The following MYO7A variants were observed in gnomAD, a reference collection of about 807,000 sequenced individuals.
The protein encoded by MYO7A is unconventional myosin-VIIa.
MYO7A carries 210 observed loss-of-function variants against 263.8 expected under a neutral mutation model. That is an observed-to-expected ratio of 0.80 (90% CI 0.71 to 0.89). The LOEUF is 0.89. MYO7A is among the 40% of genes least tolerant of loss of function. MYO7A has a pLI of 0.00. For synonymous variants in MYO7A, 1,239 were observed against 1,197.3 expected, an observed-to-expected ratio of 1.03 and a Z score of -0.72; for missense variants, 2,820 against 2,968.3, an observed-to-expected ratio of 0.95 and a Z score of 1.16.
intron 22 of MYO7A, 123 bp downstream of exon 22, chr11:77,180,604 T>A: frequency 1.2e-6 from 1 of 807,368 alleles, no homozygotes; most frequent in Non-Finnish European, 2.0e-6. Context: ...ATGGCCACAC[T>A]AGACCCACTC....
chr11:77,208,703 T>G lies in MYO7A; in HGVS notation c.5951T>G (p.Val1984Gly). Residue 1984 changes from valine to glycine, a missense_variant, in exon 44 of 49, where the codon GTG becomes GGG. Val to Gly is a moderately radical substitution (Grantham distance 109). Coordinates refer to ENST00000409709, the MANE Select transcript of MYO7A (RefSeq NM_000260.4). ...KKARPIKDGI[V>G]PSLTYQVFFM... ...CGACTGCCCTGTGCTGCAGGAATTGTGCCCTCACTCACCTACCAGGTGTTC... is the reference window on the plus strand; with the variant it reads ...CGACTGCCCTGTGCTGCAGGAATTGGGCCCTCACTCACCTACCAGGTGTTC... The G allele has an allele frequency of 6.3e-7, 1 of 1,582,602 alleles. No individual in the cohort carries two copies. Among genetic ancestry groups the G allele is most frequent in the East Asian group, 2.3e-5 (1 of 43,124 alleles).
intron 18 of MYO7A, among the ~76,000 whole-genome samples, chr11:77,176,220 C>T (rs1250197497): frequency 6.6e-6 from 1 of 152,338 alleles, no homozygotes; most frequent in East Asian, 1.9e-4. Context: ...AGGGAGCCTG[C>T]GGCCTCTTCT....
intron 27 of MYO7A, among the ~76,000 whole-genome samples, chr11:77,187,757 G>C (rs1955749763): frequency 6.6e-6 from 1 of 152,222 alleles, no homozygotes; most frequent in African/African-American, 2.4e-5. Context: ...TCTGTCGGGA[G>C]AGCTGATGCC....
rs753632889 is a variant in MYO7A, at chr11:77,199,602, G to A, written c.4636G>A (p.Ala1546Thr). ...CTGTGCTGCGCCTCACTCAGGCTGG[G>A]CAGGACTGACCCCGGCGGGGCCCTG... ...LGCAAPHSGW[A>T]GLTPAGPCSP... Residue 1546 changes from alanine (A) to threonine (T), a missense_variant, in exon 35 of 49, where the codon GCA (alanine) becomes ACA (threonine). By Grantham distance (58) the Ala-to-Thr change is moderately conservative. Transcript: ENST00000409709. 2 of 1,594,764 alleles carry A rather than the reference G, an allele frequency of 1.3e-6. No homozygotes were observed. The highest frequency in any genetic ancestry group is 1.7e-6 in the Non-Finnish European group (2 of 1,171,076).
At chr11:77,208,911 C>G in intron 44 of MYO7A, 108 bp downstream of exon 44, 1 of 892,738 alleles carries the variant, frequency 1.1e-6, no homozygotes. Context: ...CCCGTACCAG[C>G]CTGGCCTCAA....
chr11:77,192,976 A>T (rs960451675), intron 31 of MYO7A, among the ~76,000 whole-genome samples: 1 of 14,186 alleles, frequency 7.0e-5, no homozygotes, highest in Admixed American at 9.1e-4. Flanking sequence ...TGGTGGAGGT[A>T]GTTGTGATGG....
chr11:77,212,307 A>G (rs12418037), intron 46 of MYO7A: 230,281 of 395,756 alleles, frequency 0.58, 67,783 homozygotes, highest in Admixed American at 0.65. Context: ...CAGACCCTGG[A>G]AAGAGTGCTC....
chr11:77,168,466 G>A (rs78307319), intron 15 of MYO7A, among the ~76,000 whole-genome samples: 46 of 152,260 alleles, frequency 3.0e-4, no homozygotes, highest in Admixed American at 4.6e-4. Flanking sequence ...GCAACCTGGC[G>A]AGTAATTACT....
chr11:77,182,549 G>T lies in MYO7A; in HGVS notation c.3234G>T (p.Leu1078=). 6.2e-7 allele frequency: 1 copy of T among 1,613,354 alleles called. No individual in the cohort carries two copies. The highest frequency in any genetic ancestry group is 8.5e-7 in the Non-Finnish European group (1 of 1,179,856). Residue 1078 remains leucine, a synonymous_variant, in exon 25 of 49, where the codon CTG becomes CTT. Transcript: ENST00000409709. ...TGATGACCAAGATTTATGAGACCCT[G>T]GGCAAGAAGACGTACAAGAGGGAGC... ...IPVMTKIYET[L]GKKTYKRELQ... is the part of the protein sequence containing the mutation.
intron 4 of MYO7A, among the ~76,000 whole-genome samples, chr11:77,149,471 G>T (rs566198847): frequency 6.6e-6 from 1 of 152,316 alleles, no homozygotes; most frequent in Admixed American, 6.5e-5. Flanking sequence ...CGATCGGCAG[G>T]CAGTGTCCCT....
intron 9 of MYO7A, among the ~76,000 whole-genome samples, chr11:77,159,067 G>A (rs1323371222): frequency 3.9e-5 from 6 of 152,232 alleles, no homozygotes; most frequent in Middle Eastern, 3.2e-3. Flanking sequence ...AGCAGGAAGA[G>A]CTTGTGCAAA....
rs782146561 is a variant in MYO7A at position 77,172,737 on chromosome 11, C to T, written c.1798-11C>T. On this transcript the variant is annotated splice_polypyrimidine_tract_variant and intron_variant, in intron 15 of 48. Transcript: ENST00000409709. ...CACAGCCCCTCCCATCGCTGCCGTC[C>T]GTCCCCCCAGGGCGCCGAGACCAGG... The T allele has an allele frequency of 1.9e-4, 300 of 1,552,546 alleles. No homozygotes were observed. Among genetic ancestry groups the T allele is most frequent in the Non-Finnish European group, 2.4e-4 (276 of 1,149,052 alleles).
Position 77,215,189 on chromosome 11 carries a change from C to CTCAAGTCTACCCTGA in MYO7A, c.*497_*511dup. The CTCAAGTCTACCCTGA allele has an allele frequency of 6.1e-6, 1 of 165,112 alleles. No homozygotes were observed. The highest frequency in any genetic ancestry group is 1.3e-5 in the Non-Finnish European group (1 of 76,078). 10.2% of individuals were successfully genotyped at this position (165,112 alleles called of 1,614,324 possible). The stretch of plus-strand genomic sequence containing the variant: ...TTGCAGTGTGAATGCTGGGCCCCTG[C>CTCAAGTCTACCCTGA]TCAAGTCTACCCTGATCACCTCAGG... On this transcript the variant is annotated 3_prime_UTR_variant, in exon 49 of 49. Coordinates refer to ENST00000409709, the MANE Select transcript of MYO7A (RefSeq NM_000260.4).
chr11:77,175,098 T>C (rs1302507909), intron 17 of MYO7A, among the ~76,000 whole-genome samples, 184 bp downstream of exon 17: 1 of 152,200 alleles, frequency 6.6e-6, no homozygotes, highest in African/African-American at 2.4e-5. Context: ...CATGTTCAGC[T>C]GGTGAGGACT....
At chr11:77,186,008 T>C (rs1955620370) in intron 27 of MYO7A, among the ~76,000 whole-genome samples, 1 of 151,248 alleles carries the variant, frequency 6.6e-6, no homozygotes. Flanking sequence ...CTGCAACCTC[T>C]GCCTCCCGGG....
chr11:77,205,468 C>G lies in MYO7A; in HGVS notation c.5487C>G (p.Ser1829Arg), dbSNP rs397516318. The change falls in exon 40 of 49, where the codon AGC becomes AGG. Residue 1829 changes from serine to arginine, a missense_variant. Ser to Arg is a moderately radical substitution (Grantham distance 110). Transcript: ENST00000409709. ...KQLTDNHIRYSEERGWELLWL... is the reference protein window; with the variant it reads ...KQLTDNHIRYREERGWELLWL... ...CCCACGCCTCCTCCTGCAGGTACAG[C>G]GAGGAGCGGGGTTGGGAGCTGCTCT... 3.2e-6 allele frequency: 5 copies of G among 1,568,192 alleles called. No individual in the cohort carries two copies. In the East Asian group the frequency reaches 9.5e-5, roughly 30 times the overall value.
At position 77,181,935 on chromosome 11, in the gene MYO7A, C is replaced by T. The variant is rs782463937; in HGVS notation, c.2905-16C>T. 5.0e-6 allele frequency: 8 copies of T among 1,612,292 alleles called. No homozygotes were observed. Among genetic ancestry groups the T allele is most frequent in the Non-Finnish European group, 6.8e-6 (8 of 1,179,336 alleles). On this transcript the variant is annotated splice_polypyrimidine_tract_variant and intron_variant, in intron 23 of 48. Coordinates refer to ENST00000409709, the MANE Select transcript of MYO7A (RefSeq NM_000260.4). ...GAGTAGCTGGGACTCCAGGGCATAC[C>T]TCTTGTCTCCTTCAGGACCTGGAGC...
At chr11:77,162,384 C>G (rs1406895685) in intron 13 of MYO7A, 54 bp downstream of exon 13, 76 of 1,503,728 alleles carry the variant, frequency 5.1e-5, no homozygotes, top group Non-Finnish European at 6.1e-5. Flanking sequence ...CAGCTTCCTT[C>G]CCTGCTTTGA....
At chr11:77,212,888 C>G in intron 46 of MYO7A, 64 bp from the exon 47 acceptor site, 2 of 1,305,864 alleles carry the variant, frequency 1.5e-6, no homozygotes, top group Non-Finnish European at 2.2e-6. Context: ...AGGCTTCATT[C>G]CTGTCCCCAA....
Sources: allele counts gnomAD v4.1 joint callset (sites outside exome capture counted in the v4.1 genomes callset), GRCh38; gene constraint gnomAD v4.1.1; transcripts MANE v1.5; gene names NCBI Gene and HGNC (gene_info 2026-07-23, HGNC 2026-07-21).